The following CCDC102B variants were observed in gnomAD, a reference collection of about 807,000 sequenced individuals.
CCDC102B encodes the protein coiled-coil domain containing 102B, also known as coiled-coil domain-containing protein 102B.
In CCDC102B, 75 loss-of-function variants were observed where a neutral mutation model predicts 57.4. The ratio of observed to expected loss-of-function variants is 1.31; its 90% CI spans 1.08 to 1.58. CCDC102B has a LOEUF of 1.58. Among genes scored for constraint, CCDC102B ranks in the 40% most tolerant of loss-of-function variants. The probability of loss-of-function intolerance (pLI) is 0.00; values close to 1 mark genes in which losing one functional copy is unlikely to be tolerated. For synonymous variants in CCDC102B, 206 were observed against 201.9 expected (o/e 1.02, Z -0.17); for missense variants, 636 against 582.6 (o/e 1.09, Z -0.94).
intron 7 of CCDC102B, 63 bp from the exon 8 acceptor site, chr18:69,053,967 A>T: frequency 7.8e-7 from 1 of 1,275,490 alleles, no homozygotes; most frequent in South Asian, 1.4e-5. Flanking sequence ...TATTTACTAT[A>T]GCCACCATGA....
intron 6 of CCDC102B, among the ~76,000 whole-genome samples, chr18:68,950,399 C>G (rs1363347778): frequency 6.6e-6 from 1 of 151,838 alleles, no homozygotes; most frequent in African/African-American, 2.4e-5. Flanking sequence ...ACTTTATACC[C>G]AGGAGATTTT....
At chr18:68,732,920 C>G (rs1053233467) in intron 2 of CCDC102B, among the ~76,000 whole-genome samples, 1 of 151,988 alleles carries the variant, frequency 6.6e-6, no homozygotes, top group Non-Finnish European at 1.5e-5. Flanking sequence ...TCCTGGGCTG[C>G]GGACTTCCAT....
At chr18:68,809,865 T>C (rs1477093291) in intron 1 of CCDC102B, among the ~76,000 whole-genome samples, 1 of 152,234 alleles carries the variant, frequency 6.6e-6, no homozygotes, top group Non-Finnish European at 1.5e-5. Context: ...ATGTTTATAG[T>C]AAAATGGTCA....
chr18:68,954,547 A>G (rs2145205197), intron 6 of CCDC102B, among the ~76,000 whole-genome samples: 1 of 152,298 alleles, frequency 6.6e-6, no homozygotes, highest in South Asian at 2.1e-4. Context: ...TTTATTTGAT[A>G]TTGTGGAAAT....
chr18:68,855,426 A>G (rs1218647634), intron 4 of CCDC102B, among the ~76,000 whole-genome samples: 2 of 152,202 alleles, frequency 1.3e-5, no homozygotes, highest in Non-Finnish European at 2.9e-5. Context: ...ATCCTTCTGA[A>G]TAAAACAACC....
At chr18:68,733,509 T>A (rs1165387660) in intron 2 of CCDC102B, among the ~76,000 whole-genome samples, 329 of 14,216 alleles carry the variant, frequency 0.023, no homozygotes, top group Non-Finnish European at 0.032. Flanking sequence ...TATATATATT[T>A]TTTTAACTTA....
intron 2 of CCDC102B, among the ~76,000 whole-genome samples, chr18:68,745,712 C>A (rs576240451): frequency 6.6e-6 from 1 of 152,180 alleles, no homozygotes; most frequent in African/African-American, 2.4e-5. Flanking sequence ...ATTTTTGTAC[C>A]TATTAACCTA....
chr18:68,819,606 A>G (rs555278795), intron 1 of CCDC102B, among the ~76,000 whole-genome samples: 1 of 152,172 alleles, frequency 6.6e-6, no homozygotes, highest in East Asian at 1.9e-4. Flanking sequence ...CAATTTTAAC[A>G]AAATAAAATT....
chr18:68,995,006 A>T (rs1323160572), intron 6 of CCDC102B, among the ~76,000 whole-genome samples: 1 of 152,232 alleles, frequency 6.6e-6, no homozygotes, highest in African/African-American at 2.4e-5. Context: ...TTTGACCAAA[A>T]TGCTAATACC....
At chr18:69,051,787 CTA>C (rs1424804480) in intron 7 of CCDC102B, among the ~76,000 whole-genome samples, 4 of 151,748 alleles carry the variant, frequency 2.6e-5, no homozygotes, top group Non-Finnish European at 5.9e-5. Flanking sequence ...TGATAAAAGT[CTA>C]TTCAATATTT....
chr18:69,010,226 G>A (rs1322714786), intron 6 of CCDC102B, among the ~76,000 whole-genome samples: 1 of 150,338 alleles, frequency 6.7e-6, no homozygotes, highest in African/African-American at 2.4e-5. Flanking sequence ...ACAGGCATGA[G>A]CCACCACACC....
At chr18:68,853,450 C>T (rs187169616) in intron 4 of CCDC102B, among the ~76,000 whole-genome samples, 24 of 151,754 alleles carry the variant, frequency 1.6e-4, no homozygotes, top group Admixed American at 3.3e-4. Context: ...ATTACTATAT[C>T]GCTCTCATAC....
chr18:68,981,245 A>G (rs1183844729), intron 6 of CCDC102B, among the ~76,000 whole-genome samples: 1 of 152,056 alleles, frequency 6.6e-6, no homozygotes, highest in Non-Finnish European at 1.5e-5. Context: ...ACGCAGAGAA[A>G]GGGAAAGGAG....
At chr18:69,005,334 A>G (rs2145371622) in intron 6 of CCDC102B, among the ~76,000 whole-genome samples, 1 of 152,294 alleles carries the variant, frequency 6.6e-6, no homozygotes, top group Non-Finnish European at 1.5e-5. Context: ...GTTGAACCAT[A>G]TGTTATATGG....
intron 7 of CCDC102B, among the ~76,000 whole-genome samples, chr18:69,040,394 GTGTGTGTGTGTGTGTGTGTGTGTGTA>G (rs2052402744): frequency 1.6e-4 from 1 of 6,300 alleles, no homozygotes; most frequent in South Asian, 0.033. Context: ...GGGTGTGTGT[GTGTGTGTGTGTGTGTGTGTGTGTGTA>G]TGTGTGTGTG....
At chr18:68,817,672 A>C (rs2036537350) in intron 1 of CCDC102B, among the ~76,000 whole-genome samples, 1 of 152,196 alleles carries the variant, frequency 6.6e-6, no homozygotes, top group Non-Finnish European at 1.5e-5. Flanking sequence ...GTGAATGAAG[A>C]TGTTGTTAAG....
chr18:68,849,323 G>C (rs2144828509), intron 4 of CCDC102B, among the ~76,000 whole-genome samples: 1 of 152,182 alleles, frequency 6.6e-6, no homozygotes. Context: ...TATTAGCGCA[G>C]TTCTGAGCTT....
In CCDC102B at chr18:69,011,097, A is replaced by G. The variant is rs747067554; in HGVS notation, c.1427A>G (p.Glu476Gly). The change falls in exon 7 of 8, where the codon GAA becomes GGA. Residue 476 changes from glutamate to glycine, a missense_variant. Physicochemically the swap from Glu to Gly is moderately conservative, Grantham distance 98. Transcript: ENST00000360242. ...EELKQGLNQK[E>G]DELDDSLNQI... Reference sequence around the variant, plus strand: ...CTAAAGCAGGGACTCAATCAAAAAGAAGATGAGGTACTACTTTATGAGTGA... The same window carrying G: ...CTAAAGCAGGGACTCAATCAAAAAGGAGATGAGGTACTACTTTATGAGTGA... 4.3e-6 allele frequency: 7 copies of G among 1,613,056 alleles called. No homozygotes were observed. In the African/African-American group the frequency reaches 9.4e-5, roughly 22 times the overall value.
chr18:68,768,705 A>G (rs922364256), intron 2 of CCDC102B, among the ~76,000 whole-genome samples: 1 of 151,962 alleles, frequency 6.6e-6, no homozygotes, highest in Non-Finnish European at 1.5e-5. Flanking sequence ...CATATAAGCT[A>G]TACTTTTAGG....
Sources: allele counts gnomAD v4.1 joint callset (sites outside exome capture counted in the v4.1 genomes callset), GRCh38; gene constraint gnomAD v4.1.1; transcripts MANE v1.5; gene names NCBI Gene and HGNC (gene_info 2026-07-23, HGNC 2026-07-21).